Variants in FBXL17 observed in about 807,000 individuals in gnomAD.
FBXL17 encodes F-box/LRR-repeat protein 17.
FBXL17 carries 22 observed loss-of-function variants against 66.2 expected under a neutral mutation model. That is an observed-to-expected ratio of 0.33 (90% CI 0.24 to 0.47). The LOEUF (loss-of-function observed/expected upper bound fraction) is 0.47, where lower values mean the gene tolerates loss of function less well. FBXL17 is among the 20% of genes least tolerant of loss of function. The pLI is 1.00. For synonymous variants in FBXL17, 474 were observed against 400.5 expected, an observed-to-expected ratio of 1.18 and a Z score of -2.19; for missense variants, 878 against 948.2, an observed-to-expected ratio of 0.93 and a Z score of 0.97.
At chr5:108,202,333 C>T (rs936904831) in intron 5 of FBXL17, among the ~76,000 whole-genome samples, 9 of 152,050 alleles carry the variant, frequency 5.9e-5, no homozygotes, top group African/African-American at 2.2e-4. Flanking sequence ...CACATTACAA[C>T]TAGAGTGTAA....
intron 6 of FBXL17, among the ~76,000 whole-genome samples, chr5:108,112,641 T>C (rs1750083804): frequency 6.6e-6 from 1 of 152,082 alleles, no homozygotes; most frequent in Non-Finnish European, 1.5e-5. Context: ...GACATATAAA[T>C]GACATAGATG....
chr5:108,262,139 C>T (rs552909839), intron 4 of FBXL17, among the ~76,000 whole-genome samples: 2 of 148,964 alleles, frequency 1.3e-5, no homozygotes, highest in African/African-American at 2.5e-5. Context: ...TGCAGTGGCA[C>T]GGTCTTGGCT....
chr5:108,006,633 T>C (rs1369672845), intron 7 of FBXL17, among the ~76,000 whole-genome samples: 1 of 152,168 alleles, frequency 6.6e-6, no homozygotes, highest in African/African-American at 2.4e-5. Flanking sequence ...ACAGTGATAA[T>C]GTGGATCCAG....
intron 1 of FBXL17, among the ~76,000 whole-genome samples, chr5:108,378,032 G>T (rs1749566873): frequency 6.6e-6 from 1 of 152,160 alleles, no homozygotes; most frequent in African/African-American, 2.4e-5. Context: ...TAAGATGTGG[G>T]TAATAAGCAT....
chr5:107,980,528 G>T (rs1192226596), intron 7 of FBXL17, among the ~76,000 whole-genome samples: 1 of 148,132 alleles, frequency 6.8e-6, no homozygotes, highest in East Asian at 2.0e-4. Flanking sequence ...TAGAGACAAG[G>T]TTTCACCATG....
At chr5:108,039,798 G>C (rs570822105) in intron 6 of FBXL17, among the ~76,000 whole-genome samples, 1 of 152,028 alleles carries the variant, frequency 6.6e-6, no homozygotes, top group South Asian at 2.1e-4. Context: ...TTTTGTTATA[G>C]GTTTAATTTA....
At chr5:108,280,664 T>C (rs1383080733) in intron 4 of FBXL17, among the ~76,000 whole-genome samples, 3 of 151,286 alleles carry the variant, frequency 2.0e-5, no homozygotes, top group Non-Finnish European at 4.4e-5. Context: ...ACCTCACATA[T>C]TAGTGTTTAC....
At chr5:108,155,527 A>G (rs1751962012) in intron 6 of FBXL17, among the ~76,000 whole-genome samples, 1 of 152,090 alleles carries the variant, frequency 6.6e-6, no homozygotes, top group African/African-American at 2.4e-5. Flanking sequence ...AAAAAAAGAA[A>G]AATTTTAGTT....
intron 6 of FBXL17, among the ~76,000 whole-genome samples, chr5:108,066,835 C>T (rs1289109487): frequency 6.6e-6 from 1 of 151,778 alleles, no homozygotes; most frequent in Non-Finnish European, 1.5e-5. Context: ...AATAGATGTG[C>T]CTTTACAGTA....
chr5:107,946,366 C>A (rs1363045671), intron 7 of FBXL17, among the ~76,000 whole-genome samples: 2 of 137,118 alleles, frequency 1.5e-5, no homozygotes. Context: ...ATGATCATGG[C>A]TCACTGCAGC....
At chr5:108,222,187 T>G (rs1424352953) in intron 5 of FBXL17, among the ~76,000 whole-genome samples, 1 of 152,194 alleles carries the variant, frequency 6.6e-6, no homozygotes, top group Non-Finnish European at 1.5e-5. Context: ...TACCATAATT[T>G]TTGGCCATCT....
intron 6 of FBXL17, among the ~76,000 whole-genome samples, chr5:108,028,265 A>G (rs770694052): frequency 1.3e-5 from 2 of 152,152 alleles, no homozygotes; most frequent in African/African-American, 2.4e-5. Context: ...GAAACATTGT[A>G]AAGAGATTTG....
In FBXL17 at chr5:107,908,805, A is replaced by G. The variant is rs545770045; in HGVS notation, c.1823-27626T>C. Among the ~76,000 whole-genome samples, 7 of 152,290 alleles carry G rather than the reference A, an allele frequency of 4.6e-5. No individual in the cohort carries two copies. In the South Asian group the frequency reaches 6.2e-4, roughly 14 times the overall value. Reference sequence around the variant, plus strand: ...GAAACCGCTAGCATCAGGGTGGGAAATGTAGTTTGAGATCTTCTGAGGACA... The same window carrying G: ...GAAACCGCTAGCATCAGGGTGGGAAGTGTAGTTTGAGATCTTCTGAGGACA... On this transcript the variant is annotated intron_variant, in intron 7 of 8. Transcript: ENST00000542267.
intron 6 of FBXL17, among the ~76,000 whole-genome samples, chr5:108,142,360 C>T (rs1751383069): frequency 6.6e-6 from 1 of 152,004 alleles, no homozygotes; most frequent in Non-Finnish European, 1.5e-5. Flanking sequence ...CTACTTTTAG[C>T]AAAAAGAGAT....
chr5:107,977,350 T>C (rs73204766), intron 7 of FBXL17, among the ~76,000 whole-genome samples: 19,085 of 152,226 alleles, frequency 0.13, 1,399 homozygotes, highest in East Asian at 0.2. Context: ...ATTTAATGAG[T>C]GCCCTACTAT....
chr5:107,980,664 A>ATATATATATATATATATATTTTTTT, intron 7 of FBXL17, among the ~76,000 whole-genome samples: 1 of 62,076 alleles, frequency 1.6e-5, no homozygotes, highest in Admixed American at 1.7e-4. Context: ...ATATATATAT[A>ATATATATATATATATATATTTTTTT]TTTTTTTTTT....
intron 4 of FBXL17, among the ~76,000 whole-genome samples, chr5:108,258,325 T>G (rs1252061305): frequency 6.6e-6 from 1 of 152,172 alleles, no homozygotes; most frequent in Non-Finnish European, 1.5e-5. Context: ...TCCAGAGTTC[T>G]GAGAAAATAA....
At chr5:108,363,322 G>A (rs1035835778) in intron 3 of FBXL17, among the ~76,000 whole-genome samples, 1 of 151,886 alleles carries the variant, frequency 6.6e-6, no homozygotes, top group Non-Finnish European at 1.5e-5. Flanking sequence ...TCCATCAGAG[G>A]AAAGAGTCTA....
intron 3 of FBXL17, among the ~76,000 whole-genome samples, chr5:108,362,370 C>T (rs1374717963): frequency 2.6e-5 from 4 of 152,020 alleles, no homozygotes; most frequent in Non-Finnish European, 2.9e-5. Flanking sequence ...CATACAATTT[C>T]TTAGATATAT....
Sources: gnomAD v4.1 joint callset for allele counts (sites outside exome capture counted in the v4.1 genomes callset) on GRCh38, gnomAD v4.1.1 for gene constraint, MANE v1.5 for transcripts, NCBI Gene and HGNC (gene_info 2026-07-23, HGNC 2026-07-21) for gene names.